Variants in AUTS2 observed in about 807,000 individuals in gnomAD.
The protein encoded by AUTS2 is autism susceptibility gene 2 protein.
In AUTS2, 17 loss-of-function variants were observed where a neutral mutation model predicts 112.4. The observed-to-expected ratio is 0.15, with a 90% CI of 0.10 to 0.23. AUTS2 has a LOEUF of 0.23. Ranked by LOEUF, AUTS2 falls within the 10% of genes least tolerant of loss-of-function variation. The pLI is 1.00. For missense variants in AUTS2, 1,510 were observed against 1,701.6 expected, an observed-to-expected ratio of 0.89 and a Z score of 1.98; for synonymous variants, 751 against 702.7, an observed-to-expected ratio of 1.07 and a Z score of -1.09.
intron 5 of AUTS2, among the ~76,000 whole-genome samples, chr7:70,544,216 C>T (rs1446608960): frequency 6.6e-6 from 1 of 152,144 alleles, no homozygotes; most frequent in Non-Finnish European, 1.5e-5. Flanking sequence ...CTTCCGGGTG[C>T]CAGGAGGCTT....
chr7:70,660,167 ACT>A (rs1054421992), intron 5 of AUTS2, among the ~76,000 whole-genome samples: 5 of 150,462 alleles, frequency 3.3e-5, no homozygotes, highest in African/African-American at 9.8e-5. Context: ...AGAGAGTGAG[ACT>A]CTGTCTCAAA....
At chr7:70,536,472 A>C (rs1800321591) in intron 5 of AUTS2, among the ~76,000 whole-genome samples, 1 of 151,610 alleles carries the variant, frequency 6.6e-6, no homozygotes, top group Non-Finnish European at 1.5e-5. Flanking sequence ...CCTCACCGTG[A>C]ATATGCAGAG....
intron 2 of AUTS2, among the ~76,000 whole-genome samples, chr7:69,941,579 AT>A (rs56227016): frequency 0.17 from 23,964 of 138,848 alleles, 1,819 homozygotes; most frequent in Middle Eastern, 0.23. Context: ...GACCTTCTAG[AT>A]TTTTTTTTTT....
rs1789441426 is a variant in AUTS2 at position 70,305,279 on chromosome 7, C to T, written c.661-130473C>T. On this transcript the variant is annotated intron_variant, in intron 4 of 18. Transcript: ENST00000342771. ...TCTCAGAGTGTTTTGTAGGCTGTCA[C>T]ATTTCACTCCATAATGTCCTAGTGT... Among the ~76,000 whole-genome samples, 3 of 152,206 alleles carry T rather than the reference C, an allele frequency of 2.0e-5. No homozygotes were observed. The South Asian group carries it at 6.2e-4, about 32-fold the overall frequency.
intron 5 of AUTS2, among the ~76,000 whole-genome samples, chr7:70,657,896 C>G (rs1044132631): frequency 6.6e-6 from 1 of 152,162 alleles, no homozygotes; most frequent in African/African-American, 2.4e-5. Flanking sequence ...ATTGCTTCCA[C>G]CAAGCCCTGG....
chr7:70,448,185 C>T (rs1428291256), intron 5 of AUTS2, among the ~76,000 whole-genome samples: 1 of 152,096 alleles, frequency 6.6e-6, no homozygotes, highest in Non-Finnish European at 1.5e-5. Flanking sequence ...CCCTTTTTAC[C>T]TCTCTAGCCG....
rs1331848232 is a variant in AUTS2, at chr7:69,888,230, CT to C, written c.310-11055del. Among the ~76,000 whole-genome samples the C allele has an allele frequency of 1.4e-4, 21 of 151,814 alleles. No individual in the cohort carries two copies. In the East Asian group the frequency reaches 3.7e-3, roughly 27 times the overall value. ...AAGGAGGTTTATTTCACTCATGGTT[CT>C]GCAGACTGTACAAGAAGAATGGTGC... On this transcript the variant is annotated intron_variant, in intron 1 of 18. Transcript: ENST00000342771.
intron 2 of AUTS2, among the ~76,000 whole-genome samples, chr7:69,925,437 G>T (rs1262609849): frequency 1.3e-5 from 2 of 152,062 alleles, no homozygotes; most frequent in Non-Finnish European, 2.9e-5. Context: ...CTGATCTGTG[G>T]TATTTTCATT....
At chr7:69,837,425 C>T (rs555853764) in intron 1 of AUTS2, among the ~76,000 whole-genome samples, 3 of 152,082 alleles carry the variant, frequency 2.0e-5, no homozygotes, top group African/African-American at 7.2e-5. Flanking sequence ...ACGTCTCTCT[C>T]CTGGTTACCT....
chr7:70,132,488 A>G (rs1806329804), intron 3 of AUTS2, among the ~76,000 whole-genome samples: 1 of 152,224 alleles, frequency 6.6e-6, no homozygotes, highest in Non-Finnish European at 1.5e-5. Context: ...ATAACAAATG[A>G]AGTGAAATGA....
At chr7:70,533,393 C>G (rs937851973) in intron 5 of AUTS2, among the ~76,000 whole-genome samples, 5 of 152,152 alleles carry the variant, frequency 3.3e-5, no homozygotes, top group Non-Finnish European at 7.3e-5. Context: ...GGATTATAGG[C>G]GTGAGGCACC....
chr7:70,786,403 C>T (rs1173492232), intron 17 of AUTS2, among the ~76,000 whole-genome samples: 1 of 152,178 alleles, frequency 6.6e-6, no homozygotes. Context: ...TTTCATCTTG[C>T]CCGTGGCATT....
At chr7:70,615,731 C>A (rs1169047661) in intron 5 of AUTS2, among the ~76,000 whole-genome samples, 1 of 152,016 alleles carries the variant, frequency 6.6e-6, no homozygotes, top group Non-Finnish European at 1.5e-5. Flanking sequence ...AGTTTGGGGA[C>A]AGTGCAAAAC....
intron 2 of AUTS2, among the ~76,000 whole-genome samples, chr7:69,973,047 T>A (rs949164432): frequency 2.0e-5 from 3 of 152,114 alleles, no homozygotes; most frequent in African/African-American, 7.2e-5. Context: ...ATTTTTTTTT[T>A]AAGTACTTTG....
chr7:70,283,374 C>G (rs1788311791), intron 4 of AUTS2, among the ~76,000 whole-genome samples: 1 of 152,182 alleles, frequency 6.6e-6, no homozygotes, highest in Non-Finnish European at 1.5e-5. Context: ...AGTGCCATCA[C>G]TTGCAAGATG....
At chr7:70,470,079 C>T (rs770623684) in intron 5 of AUTS2, among the ~76,000 whole-genome samples, 30 of 152,198 alleles carry the variant, frequency 2.0e-4, no homozygotes, top group Non-Finnish European at 3.4e-4. Flanking sequence ...AAAATTCACC[C>T]TAATATTAGC....
chr7:70,400,074 A>C (rs927926765), intron 4 of AUTS2, among the ~76,000 whole-genome samples: 1 of 152,208 alleles, frequency 6.6e-6, no homozygotes. Context: ...ACTAGTCAGC[A>C]CTGAATTATC....
chr7:69,805,487 A>G (rs970574963), intron 1 of AUTS2, among the ~76,000 whole-genome samples: 2 of 152,234 alleles, frequency 1.3e-5, no homozygotes, highest in African/African-American at 2.4e-5. Context: ...AATAAAGTAA[A>G]TGATCTGGGT....
intron 2 of AUTS2, among the ~76,000 whole-genome samples, chr7:69,908,695 C>T (rs187104524): frequency 1.3e-5 from 2 of 152,358 alleles, no homozygotes; most frequent in Non-Finnish European, 2.9e-5. Context: ...TCACTGTTTG[C>T]ACCTGCATTT....
Sources: allele counts gnomAD v4.1 joint callset (sites outside exome capture counted in the v4.1 genomes callset), GRCh38; gene constraint gnomAD v4.1.1; transcripts MANE v1.5; gene names NCBI Gene and HGNC (gene_info 2026-07-23, HGNC 2026-07-21).